HTR2C: variants seen among roughly 807,000 people sequenced by gnomAD.
The protein encoded by HTR2C is 5-hydroxytryptamine (serotonin) receptor 2C, G protein-coupled.
Under a neutral mutation model 21.0 loss-of-function variants are expected in HTR2C, and 5 were observed. That is an observed-to-expected ratio of 0.24 (90% CI 0.12 to 0.50). HTR2C has a LOEUF of 0.50. Among genes scored for constraint, HTR2C ranks in the 20% least tolerant of loss-of-function variants. The pLI is 0.98. For missense variants in HTR2C, 271 were observed against 371.2 expected (o/e 0.73, Z 2.22); for synonymous variants, 150 against 145.3 (o/e 1.03, Z -0.23).
At chrX:114,854,322 A>G (rs781911701) in intron 5 of HTR2C, among the ~76,000 whole-genome samples, 1 of 111,711 alleles carries the variant, frequency 9.0e-6, no homozygotes, top group African/African-American at 3.2e-5. Context: ...TAAATCCATT[A>G]CATGTTAACA....
chrX:114,633,259 T>C (rs915317129), intron 2 of HTR2C, among the ~76,000 whole-genome samples: 1 of 112,112 alleles, frequency 8.9e-6, no homozygotes, highest in Non-Finnish European at 1.9e-5. Flanking sequence ...AAATTATGAT[T>C]ATTTAGATTT....
intron 4 of HTR2C, among the ~76,000 whole-genome samples, chrX:114,840,613 A>G (rs1447572716): frequency 2.7e-5 from 3 of 111,734 alleles, no homozygotes; most frequent in Non-Finnish European, 5.6e-5. Context: ...TATTTGCAAA[A>G]AAATAAGGAC....
intron 4 of HTR2C, among the ~76,000 whole-genome samples, chrX:114,786,885 G>A (rs912362623): frequency 1.4e-4 from 16 of 110,400 alleles, no homozygotes; most frequent in African/African-American, 5.3e-4. Context: ...TTGTTTTTGG[G>A]TGTTTTTTGT....
At chrX:114,730,983 T>C (rs1244283628) in intron 3 of HTR2C, among the ~76,000 whole-genome samples, 1 of 111,647 alleles carries the variant, frequency 9.0e-6, no homozygotes, top group African/African-American at 3.3e-5. Context: ...TCTTCTCATC[T>C]ACGTGATGGA....
At chrX:114,664,918 C>T in intron 2 of HTR2C, among the ~76,000 whole-genome samples, 1 of 112,223 alleles carries the variant, frequency 8.9e-6, no homozygotes, top group Non-Finnish European at 1.9e-5. Context: ...TACTCAGTTT[C>T]ATACTGTTGA....
rs782694234 is a variant in HTR2C at position 114,908,194 on chromosome X, G to A, written c.*779G>A. ...AAACTGAAATTAGTGTTTTCATTCT[G>A]GTCCTTAGTAAATTCCTAATTCTAT... On this transcript the variant is annotated 3_prime_UTR_variant, in exon 6 of 6. Coordinates refer to ENST00000276198, the MANE Select transcript of HTR2C (RefSeq NM_000868.4). 8.9e-6 allele frequency: 1 copy of A among 112,126 alleles called. No homozygotes were observed. The highest frequency in any genetic ancestry group is 9.5e-5 in the Admixed American group (1 of 10,530). The allele number at this position is 112,126 out of a possible 1,213,427, so 9.2% of individuals were successfully genotyped here.
chrX:114,844,898 G>T (rs868958956), intron 4 of HTR2C, among the ~76,000 whole-genome samples: 1 of 111,336 alleles, frequency 9.0e-6, no homozygotes, highest in African/African-American at 3.3e-5. Context: ...GGGAGAAAAA[G>T]GTAGATCTAT....
At chrX:114,608,565 A>T (rs1556397820) in intron 1 of HTR2C, among the ~76,000 whole-genome samples, 1 of 111,384 alleles carries the variant, frequency 9.0e-6, no homozygotes, top group Non-Finnish European at 1.9e-5. Context: ...AACAAAATAA[A>T]ATTTGTTGTT....
chrX:114,896,111 A>C (rs2071295633), intron 5 of HTR2C, among the ~76,000 whole-genome samples: 1 of 111,931 alleles, frequency 8.9e-6, no homozygotes, highest in African/African-American at 3.2e-5. Flanking sequence ...TTTTTGGCAC[A>C]TGAGCTATTT....
chrX:114,869,588 T>G (rs1179621165), intron 5 of HTR2C, among the ~76,000 whole-genome samples: 2 of 112,337 alleles, frequency 1.8e-5, no homozygotes, highest in East Asian at 5.6e-4. Context: ...TTTCCACGTA[T>G]ACTATAATAT....
At chrX:114,873,704 T>C (rs1266411219) in intron 5 of HTR2C, among the ~76,000 whole-genome samples, 2 of 111,908 alleles carry the variant, frequency 1.8e-5, no homozygotes, top group East Asian at 5.6e-4. Context: ...TACACTGTGA[T>C]GATTTGATAA....
At chrX:114,856,762 G>T (rs1169254112) in intron 5 of HTR2C, among the ~76,000 whole-genome samples, 2 of 111,091 alleles carry the variant, frequency 1.8e-5, no homozygotes, top group Admixed American at 9.6e-5. Context: ...ATATTCTTAA[G>T]TAATAGTGGC....
Position 114,737,660 on chromosome X carries a change from A to G in HTR2C, c.349+6053A>G, listed in dbSNP as rs12857746. Among the ~76,000 whole-genome samples, 33 of 112,427 alleles carry G rather than the reference A, an allele frequency of 2.9e-4. No individual in the cohort carries two copies. In the South Asian group the frequency reaches 0.012, roughly 41 times the overall value. On this transcript the variant is annotated intron_variant, in intron 4 of 5. Coordinates refer to ENST00000276198, the MANE Select transcript of HTR2C (RefSeq NM_000868.4). The stretch of plus-strand genomic sequence containing the variant: ...TAGAAAAAAATAAATTTTGTAAATC[A>G]CAAGATTACCTTGTAGATTTACATG...
At chrX:114,801,748 A>T (rs1170757793) in intron 4 of HTR2C, among the ~76,000 whole-genome samples, 1 of 111,091 alleles carries the variant, frequency 9.0e-6, no homozygotes, top group African/African-American at 3.3e-5. Context: ...CAAGAGTACA[A>T]TGCATAATAA....
intron 2 of HTR2C, among the ~76,000 whole-genome samples, chrX:114,617,166 T>C (rs1390571043): frequency 2.7e-5 from 3 of 112,329 alleles, no homozygotes; most frequent in African/African-American, 9.7e-5. Flanking sequence ...AGGCTGGGCA[T>C]GGTGGCTCAT....
chrX:114,669,178 A>G (rs1420280139), intron 2 of HTR2C, among the ~76,000 whole-genome samples: 2 of 111,115 alleles, frequency 1.8e-5, no homozygotes, highest in Admixed American at 9.7e-5. Context: ...AAGTTCATGT[A>G]GTAAGTAATA....
chrX:114,803,108 C>A (rs1382633507), intron 4 of HTR2C, among the ~76,000 whole-genome samples: 3 of 93,878 alleles, frequency 3.2e-5, no homozygotes, highest in African/African-American at 1.1e-4. Context: ...ATATGTGCCA[C>A]ATTTTCTTAA....
At chrX:114,591,430 T>C (rs1189580382) in intron 1 of HTR2C, among the ~76,000 whole-genome samples, 1 of 111,865 alleles carries the variant, frequency 8.9e-6, no homozygotes, top group African/African-American at 3.2e-5. Flanking sequence ...AAAGAACTTG[T>C]ATGGTAGAAT....
chrX:114,865,857 C>T (rs1556474436), intron 5 of HTR2C, among the ~76,000 whole-genome samples: 2 of 109,913 alleles, frequency 1.8e-5, no homozygotes. Flanking sequence ...CCTCTGTTGC[C>T]CAGGCTGGAA....
Sources: gnomAD v4.1 joint callset for allele counts (sites outside exome capture counted in the v4.1 genomes callset) on GRCh38, gnomAD v4.1.1 for gene constraint, MANE v1.5 for transcripts, NCBI Gene and HGNC (gene_info 2026-07-23, HGNC 2026-07-21) for gene names.